Variants in PAPPA2 observed in about 807,000 individuals in gnomAD.
PAPPA2 encodes pappalysin 2.
In PAPPA2, 86 loss-of-function variants were observed where a neutral mutation model predicts 176.4. That is an observed-to-expected ratio of 0.49 (90% CI 0.41 to 0.58). PAPPA2 has a LOEUF of 0.58. Among genes scored for constraint, PAPPA2 ranks in the 20% least tolerant of loss-of-function variants. PAPPA2 has a pLI of 0.00. For missense variants in PAPPA2, 2,073 were observed against 2,256.9 expected (o/e 0.92, Z 1.65); for synonymous variants, 809 against 852.2 (o/e 0.95, Z 0.88).
intron 1 of PAPPA2, among the ~76,000 whole-genome samples, chr1:176,466,829 G>A (rs992523880): frequency 3.3e-5 from 5 of 152,174 alleles, no homozygotes; most frequent in Admixed American, 1.3e-4. Flanking sequence ...GCAACGTGGA[G>A]GGAGAAAAAG....
chr1:176,636,167 T>G lies in PAPPA2; in HGVS notation c.1992-34803T>G, dbSNP rs558724940. Reference sequence around the variant, plus strand: ...ACCATCAATAAACACAATAGTATAGTGACAGTCATATAAATTAACAAAGAA... The same window carrying G: ...ACCATCAATAAACACAATAGTATAGGGACAGTCATATAAATTAACAAAGAA... On this transcript the variant is annotated intron_variant, in intron 3 of 22. Transcript: ENST00000367662. Among the ~76,000 whole-genome samples the G allele has an allele frequency of 2.6e-5, 4 of 152,286 alleles. No homozygotes were observed. In the South Asian group the frequency reaches 8.3e-4, roughly 32 times the overall value.
intron 1 of PAPPA2, among the ~76,000 whole-genome samples, chr1:176,465,408 T>A (rs1651571997): frequency 6.6e-6 from 1 of 152,228 alleles, no homozygotes; most frequent in Non-Finnish European, 1.5e-5. Context: ...TGGCTATTTT[T>A]TATTTTTCAA....
rs549230583 is a variant in PAPPA2 at position 176,495,444 on chromosome 1, G to A, written c.-917+32026G>A. ...AATCCCAGCTACTCGGGAGGCTGAGGCAGCAGAATCGCTTGAACCCGGGAG... is the reference window on the plus strand; with the variant it reads ...AATCCCAGCTACTCGGGAGGCTGAGACAGCAGAATCGCTTGAACCCGGGAG... On this transcript the variant is annotated intron_variant, in intron 1 of 22. Coordinates refer to ENST00000367662, the MANE Select transcript of PAPPA2 (RefSeq NM_020318.3). Among the ~76,000 whole-genome samples the A allele has an allele frequency of 1.1e-4, 16 of 151,652 alleles. 1 individual carries two copies. In the South Asian group the frequency reaches 3.3e-3, roughly 32 times the overall value.
chr1:176,552,589 C>T (rs1382382476), intron 1 of PAPPA2, among the ~76,000 whole-genome samples: 1 of 152,162 alleles, frequency 6.6e-6, no homozygotes, highest in Non-Finnish European at 1.5e-5. Context: ...CAAGACACCG[C>T]TCCTCTTGCA....
At chr1:176,780,850 A>G (rs1176660497) in intron 17 of PAPPA2, among the ~76,000 whole-genome samples, 6 of 152,144 alleles carry the variant, frequency 3.9e-5, no homozygotes, top group African/African-American at 1.4e-4. Flanking sequence ...TTCACCCCTG[A>G]ATTTTGGTGT....
chr1:176,810,871 C>T (rs1666118850), intron 21 of PAPPA2, among the ~76,000 whole-genome samples: 2 of 152,142 alleles, frequency 1.3e-5, no homozygotes, highest in African/African-American at 4.8e-5. Flanking sequence ...AGAAGAATGA[C>T]AGTTTTGAGG....
At chr1:176,701,230 G>T (rs903530402) in intron 8 of PAPPA2, among the ~76,000 whole-genome samples, 2 of 152,088 alleles carry the variant, frequency 1.3e-5, no homozygotes, top group African/African-American at 4.8e-5. Flanking sequence ...TTAACACTCT[G>T]CCTTTTACAA....
chr1:176,693,257 G>A (rs996726291), intron 6 of PAPPA2, among the ~76,000 whole-genome samples: 4 of 152,176 alleles, frequency 2.6e-5, no homozygotes, highest in African/African-American at 9.7e-5. Flanking sequence ...TATTTTACTT[G>A]CACTTGTCTT....
intron 17 of PAPPA2, among the ~76,000 whole-genome samples, chr1:176,789,148 C>T (rs189672897): frequency 6.6e-6 from 1 of 152,132 alleles, no homozygotes; most frequent in African/African-American, 2.4e-5. Flanking sequence ...TTAAGAATAA[C>T]CTAAATGTCC....
chr1:176,620,016 C>T (rs1201627043), intron 3 of PAPPA2, among the ~76,000 whole-genome samples: 1 of 152,146 alleles, frequency 6.6e-6, no homozygotes, highest in African/African-American at 2.4e-5. Context: ...GGCTTATAAG[C>T]CACAGACATT....
intron 12 of PAPPA2, among the ~76,000 whole-genome samples, chr1:176,717,032 T>A (rs1661410724): frequency 6.6e-6 from 1 of 151,962 alleles, no homozygotes; most frequent in Non-Finnish European, 1.5e-5. Flanking sequence ...AGATTTTTAT[T>A]CCCCCAGTGC....
At chr1:176,779,385 A>G (rs922706746) in intron 17 of PAPPA2, among the ~76,000 whole-genome samples, 1 of 151,686 alleles carries the variant, frequency 6.6e-6, no homozygotes, top group African/African-American at 2.4e-5. Context: ...CTGATTCATA[A>G]ACTGTCTCCT....
intron 3 of PAPPA2, among the ~76,000 whole-genome samples, chr1:176,621,846 T>C (rs1655618813): frequency 1.3e-5 from 2 of 152,160 alleles, no homozygotes; most frequent in South Asian, 4.1e-4. Context: ...ACACTTCATA[T>C]GAATTATAGA....
chr1:176,662,779 C>T (rs1050289689), intron 3 of PAPPA2, among the ~76,000 whole-genome samples: 5 of 152,036 alleles, frequency 3.3e-5, no homozygotes, highest in African/African-American at 4.8e-5. Flanking sequence ...GGCCATTTTC[C>T]TCTTGAGAGT....
chr1:176,482,558 G>A (rs981848643), intron 1 of PAPPA2, among the ~76,000 whole-genome samples: 1 of 152,080 alleles, frequency 6.6e-6, no homozygotes, highest in Non-Finnish European at 1.5e-5. Flanking sequence ...AAAAGCCCAG[G>A]GACAGCTTCA....
At chr1:176,489,394 C>G (rs768512064) in intron 1 of PAPPA2, among the ~76,000 whole-genome samples, 6 of 152,132 alleles carry the variant, frequency 3.9e-5, no homozygotes, top group Non-Finnish European at 8.8e-5. Context: ...GGCCTTGAGT[C>G]AAATACCCTT....
intron 9 of PAPPA2, among the ~76,000 whole-genome samples, chr1:176,705,631 G>A (rs1660849148): frequency 1.3e-5 from 2 of 152,166 alleles, no homozygotes; most frequent in South Asian, 4.1e-4. Flanking sequence ...ATTACTTTAT[G>A]TCCGTTTCAC....
chr1:176,819,856 AGTT>A (rs1215995183), intron 21 of PAPPA2, among the ~76,000 whole-genome samples: 3 of 152,226 alleles, frequency 2.0e-5, no homozygotes, highest in Non-Finnish European at 4.4e-5. Flanking sequence ...GCCTGGAACT[AGTT>A]TTTGCATCTC....
intron 21 of PAPPA2, among the ~76,000 whole-genome samples, chr1:176,816,241 G>GTATATA (rs3039819): frequency 0.45 from 50,539 of 113,030 alleles, 11,029 homozygotes; most frequent in East Asian, 0.63. Context: ...GTGTGTGTGT[G>GTATATA]TATATATATA....
Sources: gnomAD v4.1 joint callset for allele counts (sites outside exome capture counted in the v4.1 genomes callset) on GRCh38, gnomAD v4.1.1 for gene constraint, MANE v1.5 for transcripts, NCBI Gene and HGNC (gene_info 2026-07-23, HGNC 2026-07-21) for gene names.